Variants in OR1J2 observed in about 807,000 individuals in gnomAD.
OR1J2 encodes olfactory receptor family 1 subfamily J member 2.
For synonymous variants in OR1J2, 142 were observed against 99.7 expected (o/e 1.42, Z -2.52); for missense variants, 304 against 246.1 (o/e 1.24, Z -1.57).
At chr9:122,495,446 T>C in the OR1J2 span, among the ~76,000 whole-genome samples, 1 of 152,120 alleles carries the variant, frequency 6.6e-6, no homozygotes, top group Non-Finnish European at 1.5e-5. Flanking sequence ...CTTTGAGCCC[T>C]GAAGTTCTTT....
chr9:122,478,012 A>G, the OR1J2 span: 1 of 890,392 alleles, frequency 1.1e-6, no homozygotes, highest in South Asian at 1.9e-5. Flanking sequence ...GTGGCATAGT[A>G]TAATAGAGAT....
the OR1J2 span, among the ~76,000 whole-genome samples, chr9:122,552,804 A>C: frequency 1.0e-5 from 1 of 97,944 alleles, no homozygotes; most frequent in Non-Finnish European, 2.1e-5. Context: ...GTGTTGGAGG[A>C]GGGGTAGGAG....
At chr9:122,568,444 C>T in the OR1J2 span, 153 of 1,608,462 alleles carry the variant, frequency 9.5e-5, no homozygotes, top group Middle Eastern at 8.3e-4. Context: ...AGGATAAACT[C>T]GGAGACACTG....
At chr9:122,469,163 G>C in the OR1J2 span, among the ~76,000 whole-genome samples, 1 of 152,244 alleles carries the variant, frequency 6.6e-6, no homozygotes, top group Non-Finnish European at 1.5e-5. Flanking sequence ...CTACAGGAAA[G>C]ACAATGTTTA....
upstream of OR1J2, among the ~76,000 whole-genome samples, chr9:122,509,034 G>T (rs1344610200): frequency 1.3e-5 from 2 of 152,164 alleles, no homozygotes; most frequent in Non-Finnish European, 2.9e-5. Flanking sequence ...CTCTGATTCA[G>T]ACTCTTCTAT....
At chr9:122,524,416 A>G in the OR1J2 span, among the ~76,000 whole-genome samples, 1 of 152,358 alleles carries the variant, frequency 6.6e-6, no homozygotes, top group Admixed American at 6.5e-5. Flanking sequence ...GGAACTTTGA[A>G]TACATTGATA....
chr9:122,484,126 C>T, the OR1J2 span, among the ~76,000 whole-genome samples: 2 of 152,046 alleles, frequency 1.3e-5, no homozygotes, highest in East Asian at 3.8e-4. Context: ...TATGTTTTCC[C>T]ACCAGCAGTT....
At chr9:122,496,020 G>A in the OR1J2 span, among the ~76,000 whole-genome samples, 1 of 152,172 alleles carries the variant, frequency 6.6e-6, no homozygotes, top group Admixed American at 6.5e-5. Context: ...TATCTACAAA[G>A]AGTACTGTGA....
the OR1J2 span, among the ~76,000 whole-genome samples, chr9:122,491,240 T>C: frequency 6.6e-6 from 1 of 152,060 alleles, no homozygotes; most frequent in Non-Finnish European, 1.5e-5. Context: ...AGAAAAAGAT[T>C]TGAGAAGTTG....
chr9:122,518,949 G>A, the OR1J2 span, among the ~76,000 whole-genome samples: 2 of 152,276 alleles, frequency 1.3e-5, no homozygotes, highest in South Asian at 2.1e-4. Flanking sequence ...CTCTCTTGGC[G>A]AATTATCCCA....
At chr9:122,563,471 G>A in the OR1J2 span, among the ~76,000 whole-genome samples, 1 of 151,768 alleles carries the variant, frequency 6.6e-6, no homozygotes, top group Non-Finnish European at 1.5e-5. Flanking sequence ...TTTTTTTGTT[G>A]TTATCGAGAC....
chr9:122,531,298 G>A, the OR1J2 span, among the ~76,000 whole-genome samples: 1 of 152,244 alleles, frequency 6.6e-6, no homozygotes, highest in African/African-American at 2.4e-5. Flanking sequence ...TTTACTTTAA[G>A]AGTTAAGAGT....
chr9:122,530,783 C>A, the OR1J2 span, among the ~76,000 whole-genome samples: 1 of 151,984 alleles, frequency 6.6e-6, no homozygotes, highest in Admixed American at 6.5e-5. Flanking sequence ...TGTTCTCTGG[C>A]GGGCAGGAGT....
At chr9:122,508,629 G>A (rs1287727040), upstream of OR1J2, among the ~76,000 whole-genome samples, 2 of 152,174 alleles carry the variant, frequency 1.3e-5, no homozygotes, top group South Asian at 2.1e-4. Context: ...GCTCTGCTGA[G>A]TGATTGCTTT....
At chr9:122,528,135 G>A in the OR1J2 span, among the ~76,000 whole-genome samples, 1 of 152,130 alleles carries the variant, frequency 6.6e-6, no homozygotes, top group African/African-American at 2.4e-5. Flanking sequence ...AGTATTCTTA[G>A]TTTAACGTAT....
chr9:122,519,168 T>G, the OR1J2 span: 1 of 1,611,054 alleles, frequency 6.2e-7, no homozygotes, highest in South Asian at 1.1e-5. Context: ...GAGCAGTGTG[T>G]CTGAGTTCCT....
the OR1J2 span, among the ~76,000 whole-genome samples, chr9:122,550,416 G>A: frequency 5.9e-5 from 9 of 151,956 alleles, no homozygotes; most frequent in South Asian, 4.1e-4. Context: ...GGTATCACCT[G>A]GATATCAAAG....
downstream of OR1J2, among the ~76,000 whole-genome samples, chr9:122,516,300 C>CTTTT (rs1278693220): frequency 4.2e-3 from 433 of 104,108 alleles, 16 homozygotes; most frequent in African/African-American, 0.012. Flanking sequence ...CATACATGGT[C>CTTTT]TTTTTTTTTT....
chr9:122,532,869 T>C, the OR1J2 span, among the ~76,000 whole-genome samples: 2 of 151,846 alleles, frequency 1.3e-5, no homozygotes, highest in African/African-American at 4.8e-5. Flanking sequence ...TTGTAAGGGA[T>C]TGAGGTTTGG....
Sources: gnomAD v4.1 joint callset for allele counts (sites outside exome capture counted in the v4.1 genomes callset) on GRCh38, gnomAD v4.1.1 for gene constraint, MANE v1.5 for transcripts, NCBI Gene and HGNC (gene_info 2026-07-23, HGNC 2026-07-21) for gene names.